ATP6V1G3: variants seen among roughly 807,000 people sequenced by gnomAD.
ATP6V1G3 encodes the protein ATPase H+ transporting V1 subunit G3.
A neutral mutation model predicts 9.3 loss-of-function variants in ATP6V1G3; 9 were observed. The observed-to-expected ratio is 0.97, with a 90% CI of 0.59 to 1.69. The LOEUF (loss-of-function observed/expected upper bound fraction) is 1.69, where lower values mean the gene tolerates loss of function less well. Among genes scored for constraint, ATP6V1G3 ranks in the 40% most tolerant of loss-of-function variants. ATP6V1G3 has a pLI of 0.00. For synonymous variants in ATP6V1G3, 43 were observed against 43.8 expected, an observed-to-expected ratio of 0.98 and a Z score of 0.07; for missense variants, 133 against 139.0, an observed-to-expected ratio of 0.96 and a Z score of 0.22.
At chr1:198,530,300 T>A (rs573347521) in intron 1 of ATP6V1G3, among the ~76,000 whole-genome samples, 33 of 152,322 alleles carry the variant, frequency 2.2e-4, no homozygotes, top group African/African-American at 7.7e-4. Flanking sequence ...TCAGGTAGCA[T>A]GAAAGAAAAT....
At chr1:198,526,804 T>C (rs1195304229) in intron 2 of ATP6V1G3, among the ~76,000 whole-genome samples, 2 of 152,186 alleles carry the variant, frequency 1.3e-5, no homozygotes, top group Non-Finnish European at 2.9e-5. Context: ...GTCTTCAATA[T>C]GCCCAAGGCA....
rs139314248 is a variant in ATP6V1G3 at position 198,529,195 on chromosome 1, AATAT to A, written c.83-18_83-15del. The A allele has an allele frequency of 0.023, 10,814 of 464,956 alleles. 194 individuals are homozygous for A. Among genetic ancestry groups the A allele is most frequent in the East Asian group, 0.059 (993 of 16,700 alleles). The allele number at this position is 464,956 out of a possible 1,614,324, so 28.8% of individuals were successfully genotyped here. On this transcript the variant is annotated splice_polypyrimidine_tract_variant and intron_variant, in intron 1 of 2. Transcript: ENST00000367382. ...GCTTTCCTTTTCCTGAAAATTAACA[AATAT>A]ATATATATATATATATAATTATATA...
intron 1 of ATP6V1G3, among the ~76,000 whole-genome samples, chr1:198,533,300 TAA>T (rs79666501): frequency 4.6e-4 from 58 of 124,854 alleles, no homozygotes; most frequent in East Asian, 1.8e-3. Flanking sequence ...AGACTCTGTC[TAA>T]AAAAAAAAAA....
intron 1 of ATP6V1G3, among the ~76,000 whole-genome samples, chr1:198,540,310 G>C (rs1455219280): frequency 2.6e-5 from 4 of 152,182 alleles, no homozygotes; most frequent in African/African-American, 4.8e-5. Flanking sequence ...GCATAGCCAA[G>C]GCTTAAGCCC....
intron 1 of ATP6V1G3, among the ~76,000 whole-genome samples, chr1:198,533,598 A>G (rs1055739773): frequency 3.3e-5 from 5 of 152,218 alleles, no homozygotes; most frequent in South Asian, 4.1e-4. Context: ...TCAACATCCA[A>G]TAGTGATGCT....
intron 2 of ATP6V1G3, among the ~76,000 whole-genome samples, chr1:198,528,356 T>G (rs1338295882): frequency 1.3e-5 from 2 of 152,136 alleles, no homozygotes; most frequent in East Asian, 3.8e-4. Flanking sequence ...GTCAGGCTTC[T>G]GCACAGAGCT....
At chr1:198,527,650 TATTC>T (rs1387364047) in intron 2 of ATP6V1G3, among the ~76,000 whole-genome samples, 2 of 152,164 alleles carry the variant, frequency 1.3e-5, no homozygotes, top group African/African-American at 2.4e-5. Flanking sequence ...AAAAAAATGT[TATTC>T]ATTCTTTCAA....
intron 2 of ATP6V1G3, among the ~76,000 whole-genome samples, chr1:198,528,710 A>G (rs1659764076): frequency 4.6e-5 from 7 of 152,072 alleles, no homozygotes; most frequent in Admixed American, 4.6e-4. Context: ...GTAACTAACC[A>G]TATATATTTA....
At position 198,523,399 on chromosome 1, in the gene ATP6V1G3, T is replaced by C; in HGVS notation, c.349A>G (p.Thr117Ala). The change falls in exon 3 of 3, where the codon ACC becomes GCC. Residue 117 changes from threonine (T) to alanine (A), a missense_variant. By Grantham distance (58) the Thr-to-Ala change is moderately conservative. Coordinates refer to ENST00000367382, the MANE Select transcript of ATP6V1G3 (RefSeq NM_001376861.1). The part of the protein sequence containing the change: ...KPEIHVNYRA[T>A]N ...AAAACTGTGATGTACATTTAGTTGG[T>C]GGCTCTGTAGTTCACATGGATTTCT... The C allele has an allele frequency of 6.2e-7, 1 of 1,612,290 alleles. No individual in the cohort carries two copies. Among genetic ancestry groups the C allele is most frequent in the Non-Finnish European group, 8.5e-7 (1 of 1,179,186 alleles).
chr1:198,525,737 C>A (rs1455352883), intron 2 of ATP6V1G3, among the ~76,000 whole-genome samples: 2 of 152,156 alleles, frequency 1.3e-5, no homozygotes, highest in Middle Eastern at 3.4e-3. Flanking sequence ...ACACTTATAG[C>A]ACATCTTGAT....
chr1:198,540,703 C>T, upstream of ATP6V1G3: 1 of 1,490,166 alleles, frequency 6.7e-7, no homozygotes, highest in Non-Finnish European at 9.4e-7. Flanking sequence ...GTAATGGGTT[C>T]ATTTATTCTT....
chr1:198,525,581 C>T (rs1437982725), intron 2 of ATP6V1G3, among the ~76,000 whole-genome samples: 2 of 151,986 alleles, frequency 1.3e-5, no homozygotes, highest in Non-Finnish European at 2.9e-5. Flanking sequence ...TTTCTAGAAG[C>T]CACATCAAAA....
chr1:198,536,908 A>ATG (rs112418740), intron 1 of ATP6V1G3, among the ~76,000 whole-genome samples: 2,400 of 151,756 alleles, frequency 0.016, 75 homozygotes, highest in African/African-American at 0.054. Flanking sequence ...TCTTGGTCAT[A>ATG]TGTGTGTGTG....
chr1:198,527,468 A>AT (rs1167310833), intron 2 of ATP6V1G3, among the ~76,000 whole-genome samples: 1 of 152,134 alleles, frequency 6.6e-6, no homozygotes, highest in African/African-American at 2.4e-5. Context: ...GATTTAACAC[A>AT]AGCACTTTCT....
intron 2 of ATP6V1G3, among the ~76,000 whole-genome samples, chr1:198,528,273 ACT>A (rs1406125946): frequency 6.6e-6 from 1 of 152,076 alleles, no homozygotes; most frequent in Non-Finnish European, 1.5e-5. Flanking sequence ...TCCTACATGA[ACT>A]CCTTATCCAT....
At chr1:198,540,533 T>C in intron 1 of ATP6V1G3, 36 bp downstream of exon 1, 1 of 1,592,892 alleles carries the variant, frequency 6.3e-7, no homozygotes, top group Non-Finnish European at 8.6e-7. Flanking sequence ...ACTGCTTTGT[T>C]TATTTCGTGA....
chr1:198,523,356 A>C lies in ATP6V1G3; in HGVS notation c.*35T>G. On this transcript the variant is annotated 3_prime_UTR_variant, in exon 3 of 3. Coordinates refer to ENST00000367382, the MANE Select transcript of ATP6V1G3 (RefSeq NM_001376861.1). Reference sequence around the variant, plus strand: ...CCATAAGCAACCAGGTGGCACTCACACACCTTTTTTTTTCTTGAAAACTGT... The same window carrying C: ...CCATAAGCAACCAGGTGGCACTCACCCACCTTTTTTTTTCTTGAAAACTGT... 6 of 1,593,024 alleles carry C rather than the reference A, an allele frequency of 3.8e-6. No individual in the cohort carries two copies. The highest frequency in any genetic ancestry group is 5.1e-6 in the Non-Finnish European group (6 of 1,169,324).
intron 2 of ATP6V1G3, among the ~76,000 whole-genome samples, chr1:198,527,112 A>G (rs1210177098): frequency 6.6e-6 from 1 of 152,188 alleles, no homozygotes; most frequent in African/African-American, 2.4e-5. Context: ...CCCACGGCAC[A>G]CAGGAGGCTG....
chr1:198,537,008 A>T (rs767137751), intron 1 of ATP6V1G3, among the ~76,000 whole-genome samples: 1 of 152,134 alleles, frequency 6.6e-6, no homozygotes, highest in Non-Finnish European at 1.5e-5. Context: ...GTAGGTTTTC[A>T]ACTCAAGCCA....
Sources: gnomAD v4.1 joint callset for allele counts (sites outside exome capture counted in the v4.1 genomes callset) on GRCh38, gnomAD v4.1.1 for gene constraint, MANE v1.5 for transcripts, NCBI Gene and HGNC (gene_info 2026-07-23, HGNC 2026-07-21) for gene names.